Variants in C9orf40 observed in about 807,000 individuals in gnomAD.
The protein encoded by C9orf40 is chromosome 9 open reading frame 40.
Under a neutral mutation model 7.9 loss-of-function variants are expected in C9orf40, and 2 were observed. The ratio of observed to expected loss-of-function variants is 0.25; its 90% CI spans 0.10 to 0.80. C9orf40 has a LOEUF of 0.80. C9orf40 is among the 30% of genes least tolerant of loss of function. The pLI is 0.68. For synonymous variants in C9orf40, 113 were observed against 117.6 expected (o/e 0.96, Z 0.25); for missense variants, 256 against 268.5 (o/e 0.95, Z 0.33).
chr9:74,952,748 G>C lies in C9orf40; in HGVS notation c.-137C>G. On this transcript the variant is annotated 5_prime_UTR_variant, in exon 1 of 2. Coordinates refer to ENST00000376854, the MANE Select transcript of C9orf40 (RefSeq NM_017998.3). This position sits in a 1 kb window ranked among gnomAD's most constrained non-coding sequence, Gnocchi z 5.4. ...GCGAGGAGGCGACAGGACGCTGGAGGGGGTAGGGCGGGGCAGCTCGCGCAG... is the reference window on the plus strand; with the variant it reads ...GCGAGGAGGCGACAGGACGCTGGAGCGGGTAGGGCGGGGCAGCTCGCGCAG... 1.2e-5 allele frequency: 9 copies of C among 746,608 alleles called. No individual in the cohort carries two copies. Among genetic ancestry groups the C allele is most frequent in the Admixed American group, 3.1e-5 (1 of 32,206 alleles). The allele number at this position is 746,608 out of a possible 1,614,324, so 46.2% of individuals were successfully genotyped here.
Position 74,952,582 on chromosome 9 carries a change from C to A in C9orf40, c.30G>T (p.Val10=). 6.3e-7 allele frequency: 1 copy of A among 1,578,036 alleles called. No individual in the cohort carries two copies. The highest frequency in any genetic ancestry group is 8.5e-7 in the Non-Finnish European group (1 of 1,172,102). MAKRRAAEP[V]TFHVPWKRLL... ...GCCGCTTCCAAGGCACGTGGAACGT[C>A]ACCGGCTCGGCCGCACGCCGCTTGG... is the stretch of plus-strand genomic sequence containing the variant. Residue 10 remains valine (V), a synonymous_variant, in exon 1 of 2, where the codon GTG becomes GTT. Transcript: ENST00000376854. This position sits in a 1 kb window ranked among gnomAD's most constrained non-coding sequence, Gnocchi z 5.4.
rs1832261394 is a variant in C9orf40 at position 74,948,116 on chromosome 9, C to T, written c.517G>A (p.Glu173Lys). Residue 173 changes from glutamate to lysine, a missense_variant, in exon 2 of 2, where the codon GAA becomes AAA. Physicochemically the swap from Glu to Lys is moderately conservative, Grantham distance 56. Coordinates refer to ENST00000376854, the MANE Select transcript of C9orf40 (RefSeq NM_017998.3). ...IDLADIEDLS[E>K]DTLTEATLQG... The stretch of plus-strand genomic sequence containing the variant: ...AGTGTTGCTTCTGTCAGGGTGTCTT[C>T]ACTTAAATCTTCAATGTCTGCCAGA... The T allele has an allele frequency of 6.2e-7, 1 of 1,614,076 alleles. No homozygotes were observed. Among genetic ancestry groups the T allele is most frequent in the African/African-American group, 1.3e-5 (1 of 75,052 alleles).
At position 74,952,682 on chromosome 9, in the gene C9orf40, G is replaced by T; in HGVS notation, c.-71C>A. The T allele has an allele frequency of 7.2e-7, 1 of 1,390,762 alleles. No individual in the cohort carries two copies. The highest frequency in any genetic ancestry group is 9.6e-7 in the Non-Finnish European group (1 of 1,040,342). 86.2% of individuals were successfully genotyped at this position (1,390,762 alleles called of 1,614,324 possible). A position where few individuals can be genotyped will look rare whatever the true frequency, so the allele number is the denominator to read the frequency against. ...TGCCGATAGCTGCGGGGGGCGAAGA[G>T]CGAGGACTGAGCGCGTGAGAGAGGG... On this transcript the variant is annotated 5_prime_UTR_variant, in exon 1 of 2. Transcript: ENST00000376854. The surrounding 1 kb of genome is among the most constrained non-coding windows in gnomAD (Gnocchi z 5.4).
Position 74,952,185 on chromosome 9 carries a change from C to CCCAAA in C9orf40, c.426_426+1insTTTGG (p.His143PhefsTer31). 1 of 273,228 alleles carries CCCAAA rather than the reference C, an allele frequency of 3.7e-6. No individual in the cohort carries two copies. The highest frequency in any genetic ancestry group is 6.0e-6 in the Non-Finnish European group (1 of 166,446). The allele number at this position is 273,228 out of a possible 1,614,324, so 16.9% of individuals were successfully genotyped here. A position where few individuals can be genotyped will look rare whatever the true frequency, so the allele number is the denominator to read the frequency against. On this transcript the variant is annotated frameshift_variant and splice_region_variant. Transcript: ENST00000376854. LOFTEE classifies it high-confidence loss of function. The surrounding 1 kb of genome is among the most constrained non-coding windows in gnomAD (Gnocchi z 5.4). ...TCAGCCCACCCGCCCCCAGCCCCTA[C>CCCAAA]CTGGCGCGATGCGACCCCCCAGTCT...
Position 74,947,578 on chromosome 9 carries a change from T to A in C9orf40, c.*470A>T, listed in dbSNP as rs1200649245. 6.5e-6 allele frequency: 1 copy of A among 152,898 alleles called. No homozygotes were observed. Among genetic ancestry groups the A allele is most frequent in the African/African-American group, 2.4e-5 (1 of 41,470 alleles). The allele number at this position is 152,898 out of a possible 1,614,324, so 9.5% of individuals were successfully genotyped here. On this transcript the variant is annotated 3_prime_UTR_variant, in exon 2 of 2. Transcript: ENST00000376854. Reference sequence around the variant, plus strand: ...TACAACAATCCCGCCCATCTTAAGTTTGCATAGATGTTCAAGTCAGCTATT... The same window carrying A: ...TACAACAATCCCGCCCATCTTAAGTATGCATAGATGTTCAAGTCAGCTATT...
Position 74,948,132 on chromosome 9 carries a change from G to A in C9orf40, c.501C>T (p.Asp167=), listed in dbSNP as rs761439243. The A allele has an allele frequency of 2.5e-6, 4 of 1,613,580 alleles. No homozygotes were observed. Among genetic ancestry groups the A allele is most frequent in the Admixed American group, 1.7e-5 (1 of 60,004 alleles). The change falls in exon 2 of 2, where the codon GAC becomes GAT. Residue 167 remains aspartate (D), a synonymous_variant. Transcript: ENST00000376854. ...GGGTGTCTTCACTTAAATCTTCAAT[G>A]TCTGCCAGATCAATAGGAGGCAAAG... ...RNPLPPIDLA[D]IEDLSEDTLT... is the part of the protein sequence containing the mutation.
At position 74,947,941 on chromosome 9, in the gene C9orf40, G is replaced by T; in HGVS notation, c.*107C>A. ...CAATCTTTCTTCATTTCTCAGGTTT[G>T]GAAATATAACTTCAAGTATGGAAAA... On this transcript the variant is annotated 3_prime_UTR_variant, in exon 2 of 2. Transcript: ENST00000376854. The T allele has an allele frequency of 9.0e-7, 1 of 1,106,544 alleles. No individual in the cohort carries two copies. The highest frequency in any genetic ancestry group is 1.3e-6 in the Non-Finnish European group (1 of 765,196). The allele number at this position is 1,106,544 out of a possible 1,614,324, so 68.5% of individuals were successfully genotyped here.
At chr9:74,948,963 C>T (rs1832271597) in intron 1 of C9orf40, among the ~76,000 whole-genome samples, 1 of 152,146 alleles carries the variant, frequency 6.6e-6, no homozygotes, top group Admixed American at 6.5e-5. Context: ...AAATTATCTA[C>T]TTATAAACAT....
Position 74,952,184 on chromosome 9 carries a change from A to AACAGGGGC in C9orf40, c.426+1_426+2insGCCCCTGT. 2.2e-6 allele frequency: 1 copy of AACAGGGGC among 461,328 alleles called. No individual in the cohort carries two copies. The highest frequency in any genetic ancestry group is 2.9e-6 in the Non-Finnish European group (1 of 342,468). 28.6% of individuals were successfully genotyped at this position (461,328 alleles called of 1,614,324 possible). A position where few individuals can be genotyped will look rare whatever the true frequency, so the allele number is the denominator to read the frequency against. ...CTCAGCCCACCCGCCCCCAGCCCCT[A>AACAGGGGC]CCTGGCGCGATGCGACCCCCCAGTC... On this transcript the variant is annotated splice_donor_variant, in intron 1 of 1. Coordinates refer to ENST00000376854, the MANE Select transcript of C9orf40 (RefSeq NM_017998.3). LOFTEE classifies it high-confidence loss of function. This position sits in a 1 kb window ranked among gnomAD's most constrained non-coding sequence, Gnocchi z 5.4.
At position 74,952,167 on chromosome 9, in the gene C9orf40, A is replaced by AAC; in HGVS notation, c.426+18_426+19insGT. 1.3e-5 allele frequency: 2 copies of AAC among 150,658 alleles called. No homozygotes were observed. The highest frequency in any genetic ancestry group is 8.4e-5 in the East Asian group (1 of 11,868). The allele number at this position is 150,658 out of a possible 1,614,324, so 9.3% of individuals were successfully genotyped here. On this transcript the variant is annotated intron_variant, in intron 1 of 1. Coordinates refer to ENST00000376854, the MANE Select transcript of C9orf40 (RefSeq NM_017998.3). The surrounding 1 kb of genome is among the most constrained non-coding windows in gnomAD (Gnocchi z 5.4). ...GGCAAGCCCCTTCGCCCCTCAGCCC[A>AAC]CCCGCCCCCAGCCCCTACCTGGCGC...
Position 74,948,027 on chromosome 9 carries a change from C to T in C9orf40, c.*21G>A, listed in dbSNP as rs2118673887. On this transcript the variant is annotated 3_prime_UTR_variant, in exon 2 of 2. Coordinates refer to ENST00000376854, the MANE Select transcript of C9orf40 (RefSeq NM_017998.3). The stretch of plus-strand genomic sequence containing the variant: ...AGACATCTCCTCAAATCAGCCAATC[C>T]CACTGCTTCGGCTCCTTACATCAGG... 6.2e-7 allele frequency: 1 copy of T among 1,603,174 alleles called. No individual in the cohort carries two copies. Among genetic ancestry groups the T allele is most frequent in the Non-Finnish European group, 8.5e-7 (1 of 1,174,834 alleles).
chr9:74,951,418 A>G (rs1189309958), intron 1 of C9orf40, among the ~76,000 whole-genome samples: 1 of 151,882 alleles, frequency 6.6e-6, no homozygotes, highest in East Asian at 1.9e-4. Flanking sequence ...CAGCCTCCCG[A>G]GTAGCTGTGA....
Position 74,952,295 on chromosome 9 carries a change from G to A in C9orf40, c.317C>T (p.Pro106Leu). Reference sequence around the variant, plus strand: ...GCCCGGGAGCTCCTCCCCCGGCCCCGGCAGTACGGGCGGCGGCGGCAGCGG... The same window carrying A: ...GCCCGGGAGCTCCTCCCCCGGCCCCAGCAGTACGGGCGGCGGCGGCAGCGG... The part of the protein sequence containing the change: ...DPPLPPPPVL[P>L]GPGEELPGAR... The change falls in exon 1 of 2, where the codon CCG becomes CTG. Residue 106 changes from proline (P) to leucine (L), a missense_variant. By Grantham distance (98) the Pro-to-Leu change is moderately conservative (BLOSUM62 -3). Coordinates refer to ENST00000376854, the MANE Select transcript of C9orf40 (RefSeq NM_017998.3). This position sits in a 1 kb window ranked among gnomAD's most constrained non-coding sequence, Gnocchi z 5.4. 2 of 1,340,956 alleles carry A rather than the reference G, an allele frequency of 1.5e-6. No homozygotes were observed. Among genetic ancestry groups the A allele is most frequent in the South Asian group, 2.0e-5 (1 of 49,456 alleles). The allele number at this position is 1,340,956 out of a possible 1,614,324, so 83.1% of individuals were successfully genotyped here. A position where few individuals can be genotyped will look rare whatever the true frequency, so the allele number is the denominator to read the frequency against.
rs762460405 is a variant in C9orf40 at position 74,952,291 on chromosome 9, C to T, written c.321G>A (p.Gly107=). 7.6e-6 allele frequency: 10 copies of T among 1,324,410 alleles called. No homozygotes were observed. In the South Asian group the frequency reaches 2.0e-4, roughly 26 times the overall value. 82.0% of individuals were successfully genotyped at this position (1,324,410 alleles called of 1,614,324 possible). A position where few individuals can be genotyped will look rare whatever the true frequency, so the allele number is the denominator to read the frequency against. The part of the protein sequence containing the change: ...PPLPPPPVLP[G]PGEELPGARL... The stretch of plus-strand genomic sequence containing the variant: ...GGGCGCCCGGGAGCTCCTCCCCCGG[C>T]CCCGGCAGTACGGGCGGCGGCGGCA... The change falls in exon 1 of 2, where the codon GGG becomes GGA. Residue 107 remains glycine (G), a synonymous_variant. Transcript: ENST00000376854. The surrounding 1 kb of genome is among the most constrained non-coding windows in gnomAD (Gnocchi z 5.4).
intron 1 of C9orf40, among the ~76,000 whole-genome samples, chr9:74,950,033 A>C (rs1832280104): frequency 6.6e-6 from 1 of 152,112 alleles, no homozygotes; most frequent in African/African-American, 2.4e-5. Context: ...TGCAGTCCCA[A>C]CTATTCAGGA....
intron 1 of C9orf40, among the ~76,000 whole-genome samples, chr9:74,948,480 C>G (rs1832265828): frequency 6.6e-6 from 1 of 152,072 alleles, no homozygotes; most frequent in Admixed American, 6.5e-5. Flanking sequence ...GTTTTTCTCC[C>G]ATTTTTCACC....
chr9:74,946,910 C>T lies in C9orf40; in HGVS notation c.*1138G>A, dbSNP rs577732945. The T allele has an allele frequency of 3.3e-5, 5 of 152,298 alleles. No individual in the cohort carries two copies. The highest frequency in any genetic ancestry group is 1.2e-4 in the African/African-American group (5 of 41,562). The allele number at this position is 152,298 out of a possible 1,614,324, so 9.4% of individuals were successfully genotyped here. A position where few individuals can be genotyped will look rare whatever the true frequency, so the allele number is the denominator to read the frequency against. Reference sequence around the variant, plus strand: ...ACCAGTTACTCAATTGCAAAACCAACATTCTGGATGCAGTACAAAAGTTAG... The same window carrying T: ...ACCAGTTACTCAATTGCAAAACCAATATTCTGGATGCAGTACAAAAGTTAG... On this transcript the variant is annotated 3_prime_UTR_variant, in exon 2 of 2. Coordinates refer to ENST00000376854, the MANE Select transcript of C9orf40 (RefSeq NM_017998.3).
intron 1 of C9orf40, among the ~76,000 whole-genome samples, chr9:74,948,435 T>G (rs989443526): frequency 3.9e-5 from 6 of 152,208 alleles, no homozygotes; most frequent in African/African-American, 1.4e-4. Context: ...TTGTTAAATT[T>G]AAAGGAATTT....
rs910251769 is a variant in C9orf40 at position 74,946,876 on chromosome 9, C to T, written c.*1172G>A. 2 of 152,134 alleles carry T rather than the reference C, an allele frequency of 1.3e-5. No homozygotes were observed. Among genetic ancestry groups the T allele is most frequent in the African/African-American group, 4.8e-5 (2 of 41,436 alleles). The allele number at this position is 152,134 out of a possible 1,614,324, so 9.4% of individuals were successfully genotyped here. ...CTAATGTCATCAACAACAAAAAATG[C>T]AAGCAAGAACCAGTTACTCAATTGC... On this transcript the variant is annotated 3_prime_UTR_variant, in exon 2 of 2. Coordinates refer to ENST00000376854, the MANE Select transcript of C9orf40 (RefSeq NM_017998.3).
Sources: gnomAD v4.1 joint callset for allele counts (sites outside exome capture counted in the v4.1 genomes callset) on GRCh38, gnomAD v4.1.1 for gene constraint, Gnocchi (gnomAD v3.1) non-coding constraint, MANE v1.5 for transcripts, NCBI Gene and HGNC (gene_info 2026-07-23, HGNC 2026-07-21) for gene names.